GUCY1A2: variants seen among roughly 807,000 people sequenced by gnomAD.
The protein encoded by GUCY1A2 is guanylate cyclase 1 soluble subunit alpha 2.
In GUCY1A2, 27 loss-of-function variants were observed where a neutral mutation model predicts 63.5. The ratio of observed to expected loss-of-function variants is 0.43; its 90% CI spans 0.31 to 0.59. The LOEUF (loss-of-function observed/expected upper bound fraction) is 0.59. Ranked by LOEUF, GUCY1A2 falls within the 20% of genes least tolerant of loss-of-function variation. GUCY1A2 has a pLI of 0.11. For synonymous variants in GUCY1A2, 364 were observed against 343.5 expected (o/e 1.06, Z -0.66); for missense variants, 768 against 913.3 (o/e 0.84, Z 2.05).
Position 106,679,005 on chromosome 11 carries a change from C to T in GUCY1A2, c.*8544G>A, listed in dbSNP as rs184854526. 52 of 189,384 alleles carry T rather than the reference C, an allele frequency of 2.7e-4. No individual in the cohort carries two copies. In the Admixed American group the frequency reaches 3.1e-3, roughly 11 times the overall value. 11.7% of individuals were successfully genotyped at this position (189,384 alleles called of 1,614,324 possible). ...CCTAGAAACAACATTAATTGAATCTCTCATTGCTGAAGAAGTTGACACATT... is the reference window on the plus strand; with the variant it reads ...CCTAGAAACAACATTAATTGAATCTTTCATTGCTGAAGAAGTTGACACATT... On this transcript the variant is annotated 3_prime_UTR_variant, in exon 8 of 8. Coordinates refer to ENST00000526355, the MANE Select transcript of GUCY1A2 (RefSeq NM_000855.3).
intron 5 of GUCY1A2, among the ~76,000 whole-genome samples, chr11:106,808,645 AC>A (rs1359721439): frequency 3.7e-5 from 5 of 133,552 alleles, no homozygotes; most frequent in Admixed American, 8.6e-5. Context: ...ACAAAACAAA[AC>A]AAAAAAAACA....
chr11:106,925,630 A>G (rs1164131340), intron 4 of GUCY1A2, among the ~76,000 whole-genome samples: 1 of 152,246 alleles, frequency 6.6e-6, no homozygotes, highest in Non-Finnish European at 1.5e-5. Context: ...TATTGTCTAC[A>G]TTATAATACA....
intron 6 of GUCY1A2, among the ~76,000 whole-genome samples, chr11:106,768,629 C>A (rs1864203231): frequency 6.6e-6 from 1 of 152,046 alleles, no homozygotes; most frequent in South Asian, 2.1e-4. Context: ...TGAAACTTAG[C>A]ATATATACAT....
chr11:106,852,726 T>C (rs2135451648), intron 4 of GUCY1A2, among the ~76,000 whole-genome samples: 1 of 152,176 alleles, frequency 6.6e-6, no homozygotes, highest in Non-Finnish European at 1.5e-5. Context: ...TGTTGAGGAG[T>C]TTTGCATCTT....
At position 106,877,304 on chromosome 11, in the gene GUCY1A2, C is replaced by T. The variant is rs868796137; in HGVS notation, c.1206+62156G>A. ...CACTTCCCCTCTTCCTATTTGGATGCCCTTTATTTCTCTCTCTTGCCTGAT... is the reference window on the plus strand; with the variant it reads ...CACTTCCCCTCTTCCTATTTGGATGTCCTTTATTTCTCTCTCTTGCCTGAT... On this transcript the variant is annotated intron_variant, in intron 4 of 7. Transcript: ENST00000526355. 5.9e-5 allele frequency among the ~76,000 whole-genome samples: 9 copies of T among 152,072 alleles called. 1 individual carries two copies. In the South Asian group the frequency reaches 1.9e-3, roughly 32 times the overall value.
chr11:106,951,261 AT>A (rs753482243), intron 3 of GUCY1A2, among the ~76,000 whole-genome samples: 10 of 152,174 alleles, frequency 6.6e-5, no homozygotes, highest in Non-Finnish European at 1.0e-4. Context: ...ATACCCAGTA[AT>A]GGGGTTGCTG....
intron 3 of GUCY1A2, among the ~76,000 whole-genome samples, chr11:106,959,469 T>C (rs1861032493): frequency 6.6e-6 from 1 of 152,210 alleles, no homozygotes; most frequent in Admixed American, 6.5e-5. Context: ...ACACTTTATG[T>C]ATAAAGTTTT....
intron 2 of GUCY1A2, among the ~76,000 whole-genome samples, chr11:106,980,605 A>T (rs1446405109): frequency 6.6e-6 from 1 of 152,214 alleles, no homozygotes; most frequent in Non-Finnish European, 1.5e-5. Flanking sequence ...CAGACTAGAT[A>T]TGAGAGTAAA....
chr11:106,963,089 C>A lies in GUCY1A2; in HGVS notation c.487+15530G>T, dbSNP rs1244583254. Among the ~76,000 whole-genome samples, 7 of 152,180 alleles carry A rather than the reference C, an allele frequency of 4.6e-5. No homozygotes were observed. The East Asian group carries it at 1.3e-3, about 29-fold the overall frequency. ...TTCTACACAATGCTATATGGAGATA[C>A]AGAATGTACTGCTACTAAATATAGA... On this transcript the variant is annotated intron_variant, in intron 3 of 7. Coordinates refer to ENST00000526355, the MANE Select transcript of GUCY1A2 (RefSeq NM_000855.3).
At chr11:106,784,457 G>A (rs925823735) in intron 5 of GUCY1A2, among the ~76,000 whole-genome samples, 6 of 152,036 alleles carry the variant, frequency 3.9e-5, no homozygotes, top group African/African-American at 1.4e-4. Context: ...CTAGAGGAGG[G>A]AGTGCCCCTG....
chr11:106,742,181 A>C lies in GUCY1A2; in HGVS notation c.1837-33515T>G, dbSNP rs530885422. Among the ~76,000 whole-genome samples the C allele has an allele frequency of 1.3e-4, 20 of 152,292 alleles. 1 individual carries two copies. The South Asian group carries it at 4.1e-3, about 32-fold the overall frequency. On this transcript the variant is annotated intron_variant, in intron 6 of 7. Coordinates refer to ENST00000526355, the MANE Select transcript of GUCY1A2 (RefSeq NM_000855.3). ...GTAGCACATGAATTTCAAATGGATG[A>C]ATTTTCTTTTTTTTTCTTTCCAACT...
At chr11:106,985,982 G>C in intron 2 of GUCY1A2, 88 bp downstream of exon 2, 1 of 782,850 alleles carries the variant, frequency 1.3e-6, no homozygotes, top group Non-Finnish European at 2.3e-6. Flanking sequence ...GTTGACCTGG[G>C]TAGCAGAAAA....
intron 4 of GUCY1A2, among the ~76,000 whole-genome samples, chr11:106,891,552 A>G (rs958202749): frequency 2.6e-5 from 4 of 152,044 alleles, no homozygotes; most frequent in African/African-American, 4.8e-5. Context: ...TTTGCTCTAG[A>G]AGCTGTATTT....
intron 6 of GUCY1A2, among the ~76,000 whole-genome samples, chr11:106,709,560 T>A (rs1463747738): frequency 9.4e-6 from 1 of 106,796 alleles, no homozygotes; most frequent in African/African-American, 3.7e-5. Context: ...TATATAAATA[T>A]GTTATATACG....
intron 5 of GUCY1A2, among the ~76,000 whole-genome samples, chr11:106,797,438 A>C (rs1207429840): frequency 6.6e-6 from 1 of 152,132 alleles, no homozygotes; most frequent in Non-Finnish European, 1.5e-5. Context: ...GACCTAATAG[A>C]CATCTACAGA....
rs1270650186 is a variant in GUCY1A2 at position 106,918,202 on chromosome 11, G to T, written c.1206+21258C>A. Among the ~76,000 whole-genome samples, 3 of 144,142 alleles carry T rather than the reference G, an allele frequency of 2.1e-5. 1 individual carries two copies. The highest frequency in any genetic ancestry group is 3.1e-5 in the Non-Finnish European group (2 of 64,334). The allele number at this position is 144,142 out of a possible 152,430, so 94.6% of individuals were successfully genotyped here. ...GGGCACTGTAAGGACTATCTGTTATGATGGAGCACACCACAGATTTACTTG... is the reference window on the plus strand; with the variant it reads ...GGGCACTGTAAGGACTATCTGTTATTATGGAGCACACCACAGATTTACTTG... On this transcript the variant is annotated intron_variant, in intron 4 of 7. Transcript: ENST00000526355.
At chr11:106,736,783 C>T (rs1029455763) in intron 6 of GUCY1A2, among the ~76,000 whole-genome samples, 1 of 151,980 alleles carries the variant, frequency 6.6e-6, no homozygotes, top group African/African-American at 2.4e-5. Context: ...CTTTCCATTT[C>T]TTGTGTGTCT....
chr11:106,985,551 C>A (rs972720056), intron 2 of GUCY1A2, among the ~76,000 whole-genome samples: 2 of 152,200 alleles, frequency 1.3e-5, no homozygotes, highest in Non-Finnish European at 2.9e-5. Context: ...GCCTTGAAGT[C>A]CTGTCTTTTG....
chr11:106,886,235 G>A (rs971378635), intron 4 of GUCY1A2, among the ~76,000 whole-genome samples: 10 of 152,130 alleles, frequency 6.6e-5, no homozygotes, highest in Admixed American at 6.5e-5. Flanking sequence ...TGTCTTTATA[G>A]TAAAAGTGTC....
Sources: allele counts gnomAD v4.1 joint callset (sites outside exome capture counted in the v4.1 genomes callset), GRCh38; gene constraint gnomAD v4.1.1; transcripts MANE v1.5; gene names NCBI Gene and HGNC (gene_info 2026-07-23, HGNC 2026-07-21).